CYP2D6: variants seen among roughly 807,000 people sequenced by gnomAD.
The protein encoded by CYP2D6 is cytochrome P450 family 2 subfamily D member 6 (gene/pseudogene).
Under a neutral mutation model 43.5 loss-of-function variants are expected in CYP2D6, and 51 were observed. The observed-to-expected ratio is 1.17, with a 90% CI of 0.94 to 1.48. CYP2D6 has a LOEUF of 1.48. Among genes scored for constraint, CYP2D6 ranks in the 40% most tolerant of loss-of-function variants. CYP2D6 has a pLI of 0.00. For synonymous variants in CYP2D6, 346 were observed against 297.1 expected, an observed-to-expected ratio of 1.16 and a Z score of -1.69; for missense variants, 698 against 688.0, an observed-to-expected ratio of 1.01 and a Z score of -0.16.
chr22:42,127,312 G>A (rs1334836358), intron 7 of CYP2D6, 135 bp downstream of exon 7: 2 of 1,213,208 alleles, frequency 1.6e-6, no homozygotes, highest in East Asian at 4.9e-5. Flanking sequence ...CCCCACCCAA[G>A]TGGGGACAGT....
At chr22:42,129,652 C>G in intron 2 of CYP2D6, 86 bp downstream of exon 2, 1 of 1,557,342 alleles carries the variant, frequency 6.4e-7, no homozygotes, top group South Asian at 1.1e-5. Flanking sequence ...TGTCCACGAC[C>G]CCGCGCCCTC....
In CYP2D6 at chr22:42,128,229, TC is replaced by T. The variant is rs1931287566; in HGVS notation, c.787del (p.Asp263ThrfsTer9). ...CAGGTCTCGGGGGGGCTGGGCTGGG[TC>T]CCAGGTCATCCTGTGCTCAGTTAGC... ...ELLTEHRMTW[D>X]PAQPPRDLTE... On this transcript the variant is annotated frameshift_variant, in exon 5 of 9. Transcript: ENST00000645361. LOFTEE classifies it high-confidence loss of function. The T allele has an allele frequency of 6.2e-7, 1 of 1,609,870 alleles. No individual in the cohort carries two copies. Among genetic ancestry groups the T allele is most frequent in the East Asian group, 2.2e-5 (1 of 44,728 alleles).
chr22:42,129,443 A>G, intron 2 of CYP2D6: 1 of 746,378 alleles, frequency 1.3e-6, no homozygotes, highest in Middle Eastern at 2.2e-4. Flanking sequence ...CTGAGCTTAC[A>G]GCACAGGTGC....
Position 42,127,964 on chromosome 22 carries a change from C to CT in CYP2D6, c.862dup (p.Ser288LysfsTer5). 6.2e-7 allele frequency: 1 copy of CT among 1,611,458 alleles called. No individual in the cohort carries two copies. The highest frequency in any genetic ancestry group is 8.5e-7 in the Non-Finnish European group (1 of 1,178,356). On this transcript the variant is annotated frameshift_variant, in exon 6 of 9. Transcript: ENST00000645361. LOFTEE classifies it high-confidence loss of function. Reference sequence around the variant, plus strand: ...GCGCAGGTTCTCATCATTGAAGCTGCTCTCAGGGTTCCCCTTGGCCTGAGC... The same window carrying CT: ...GCGCAGGTTCTCATCATTGAAGCTGCTTCTCAGGGTTCCCCTTGGCCTGAGC...
chr22:42,129,747 G>T lies in CYP2D6; in HGVS notation c.343C>A (p.Arg115Ser). Residue 115 changes from arginine to serine, a missense_variant, in exon 2 of 9, where the codon CGT (arginine) becomes AGT (serine). By Grantham distance (110) the Arg-to-Ser change is moderately radical (BLOSUM62 -1). This residue lies in a region of CYP2D6 where 588 missense variants were observed against 521.1 expected (regional missense o/e 1.13). Transcript: ENST00000645361. The stretch of plus-strand genomic sequence containing the variant: ...CCCCACCGCTGCTTGCCTTGGGAAC[G>T]CGGCCCGAAACCCAGGATCTGGGTG... ...PITQILGFGP[R>S]SQGVFLARYG... is the part of the protein sequence containing the mutation. The T allele has an allele frequency of 6.2e-7, 1 of 1,609,846 alleles. No individual in the cohort carries two copies.
rs546029764 is a variant in CYP2D6, at chr22:42,130,459, T to C, written c.180+153A>G. ...TTGGAAAATCCAGTCCTTCATGCCATGTATAAATGCCCTTCTCCAGGACGT... is the reference window on the plus strand; with the variant it reads ...TTGGAAAATCCAGTCCTTCATGCCACGTATAAATGCCCTTCTCCAGGACGT... On this transcript the variant is annotated intron_variant, in intron 1 of 8. Transcript: ENST00000645361. The C allele has an allele frequency of 3.4e-4, 301 of 887,244 alleles. 13 individuals carry two copies. In the African/African-American group the frequency reaches 4.8e-3, roughly 14 times the overall value. The allele number at this position is 887,244 out of a possible 1,614,324, so 55.0% of individuals were successfully genotyped here. A position where few individuals can be genotyped will look rare whatever the true frequency, so the allele number is the denominator to read the frequency against.
chr22:42,129,336 T>G (rs756921937), intron 2 of CYP2D6, 151 bp from the exon 3 acceptor site: 3 of 1,111,260 alleles, frequency 2.7e-6, no homozygotes, highest in African/African-American at 3.1e-5. Context: ...TCCACCTTGC[T>G]CCCTTGGCTG....
chr22:42,128,453 C>T, intron 4 of CYP2D6, 103 bp from the exon 5 acceptor site: 2 of 1,336,360 alleles, frequency 1.5e-6, no homozygotes, highest in South Asian at 1.2e-5. Flanking sequence ...GCCTGCCTGT[C>T]CTTACCACTG....
chr22:42,127,391 T>G, intron 7 of CYP2D6, 56 bp downstream of exon 7: 2 of 1,397,706 alleles, frequency 1.4e-6, no homozygotes, highest in South Asian at 2.4e-5. Flanking sequence ...GTAGCCATGC[T>G]GGGGCTATCA....
intron 4 of CYP2D6, 111 bp from the exon 5 acceptor site, chr22:42,128,461 C>G (rs546756298): frequency 2.4e-6 from 3 of 1,267,932 alleles, no homozygotes; most frequent in Admixed American, 1.9e-5. Flanking sequence ...GTCCTTACCA[C>G]TGACCTCACC....
rs781060458 is a variant in CYP2D6 at position 42,129,749 on chromosome 22, G to A, written c.341C>T (p.Pro114Leu). The change falls in exon 2 of 9, where the codon CCG becomes CTG. Residue 114 changes from proline (P) to leucine (L), a missense_variant. By Grantham distance (98) the Pro-to-Leu change is moderately conservative (BLOSUM62 -3). Coordinates refer to ENST00000645361, the MANE Select transcript of CYP2D6 (RefSeq NM_000106.6). ...CCACCGCTGCTTGCCTTGGGAACGC[G>A]GCCCGAAACCCAGGATCTGGGTGAT... ...VPITQILGFG[P>L]RSQGVFLARY... 4.3e-6 allele frequency: 7 copies of A among 1,609,718 alleles called. No individual in the cohort carries two copies. Among genetic ancestry groups the A allele is most frequent in the Admixed American group, 1.7e-5 (1 of 59,886 alleles).
Position 42,129,169 on chromosome 22 carries a change from G to A in CYP2D6, c.369C>T (p.Arg123=). 1.9e-6 allele frequency: 3 copies of A among 1,606,030 alleles called. No homozygotes were observed. Among genetic ancestry groups the A allele is most frequent in the African/African-American group, 1.3e-5 (1 of 74,584 alleles). ...TCTGCTCGCGCCACGCGGGCCCATA[G>A]CGCGCCAGGAACACCCCTGGGGGTG... ...GPRSQGVFLA[R]YGPAWREQRR... Residue 123 remains arginine, a synonymous_variant, in exon 3 of 9, where the codon CGC becomes CGT. Coordinates refer to ENST00000645361, the MANE Select transcript of CYP2D6 (RefSeq NM_000106.6).
In CYP2D6 at chr22:42,130,579, A is replaced by T. The variant is rs757627431; in HGVS notation, c.180+33T>A. 2.3e-5 allele frequency: 34 copies of T among 1,449,400 alleles called. 1 individual carries two copies. The East Asian group carries it at 7.9e-4, about 33-fold the overall frequency. 89.8% of individuals were successfully genotyped at this position (1,449,400 alleles called of 1,614,324 possible). A position where few individuals can be genotyped will look rare whatever the true frequency, so the allele number is the denominator to read the frequency against. On this transcript the variant is annotated intron_variant, in intron 1 of 8. Coordinates refer to ENST00000645361, the MANE Select transcript of CYP2D6 (RefSeq NM_000106.6). ...TTGCTTCTGGTAGGGGAGCCTCAGCACCTCTGCCGCCCTCCAGGACCTCCT... is the reference window on the plus strand; with the variant it reads ...TTGCTTCTGGTAGGGGAGCCTCAGCTCCTCTGCCGCCCTCCAGGACCTCCT...
chr22:42,128,340 G>C lies in CYP2D6; in HGVS notation c.677C>G (p.Ala226Gly). The change falls in exon 5 of 9, where the codon GCT (alanine) becomes GGT (glycine). Residue 226 changes from alanine (A) to glycine (G), a missense_variant. Physicochemically the swap from Ala to Gly is moderately conservative, Grantham distance 60. Transcript: ENST00000645361. ...ESGFLREVLN[A>G]VPVLLHIPAL... Reference sequence around the variant, plus strand: ...TGGGATATGCAGGAGGACGGGGACAGCATTCAGCACCTACACCAGACAGAA... The same window carrying C: ...TGGGATATGCAGGAGGACGGGGACACCATTCAGCACCTACACCAGACAGAA... 1 of 1,610,334 alleles carries C rather than the reference G, an allele frequency of 6.2e-7. No individual in the cohort carries two copies. The highest frequency in any genetic ancestry group is 1.1e-5 in the South Asian group (1 of 90,876).
At position 42,128,914 on chromosome 22, in the gene CYP2D6, T is replaced by G. The variant is rs1931491827; in HGVS notation, c.536A>C (p.Asp179Ala). The change falls in exon 4 of 9, where the codon GAC (aspartate) becomes GCC (alanine). Residue 179 changes from aspartate to alanine, a missense_variant. Asp to Ala is a moderately radical substitution (Grantham distance 126). Coordinates refer to ENST00000645361, the MANE Select transcript of CYP2D6 (RefSeq NM_000106.6). ...GGCGATCACGTTGCTCACGGCTTTG[T>G]CCAAGAGACCGTTGGGGCGAAAGGG... is the stretch of plus-strand genomic sequence containing the variant. ...GRPFRPNGLL[D>A]KAVSNVIASL... is the part of the protein sequence containing the mutation. The G allele has an allele frequency of 6.3e-7, 1 of 1,594,376 alleles. No individual in the cohort carries two copies. The highest frequency in any genetic ancestry group is 8.5e-7 in the Non-Finnish European group (1 of 1,170,640).
chr22:42,128,021 G>A lies in CYP2D6; in HGVS notation c.844-38C>T, dbSNP rs756646091. 3.7e-6 allele frequency: 6 copies of A among 1,610,842 alleles called. No individual in the cohort carries two copies. The African/African-American group carries it at 8.1e-5, about 22-fold the overall frequency. ...GAGAGCATACTCGGGACAGAACGGG[G>A]TAGCCCCCAAATGACCTCCAATTCT... On this transcript the variant is annotated intron_variant, in intron 5 of 8. Coordinates refer to ENST00000645361, the MANE Select transcript of CYP2D6 (RefSeq NM_000106.6).
chr22:42,127,455 T>A lies in CYP2D6; in HGVS notation c.1165A>T (p.Ile389Phe), dbSNP rs1202725674. Reference protein sequence around the residue: ...SRDIEVQGFRIPKGTTLITNL... With the variant: ...SRDIEVQGFRFPKGTTLITNL... ...GAGGGCGCCAGGCCTACCTTAGGGA[T>A]GCGGAAGCCCTGTACTTCGATGTCA... Residue 389 changes from isoleucine to phenylalanine, a missense_variant, in exon 7 of 9, where the codon ATC (isoleucine) becomes TTC (phenylalanine). By Grantham distance (21) the Ile-to-Phe change is conservative. Around this residue, in one of 5 missense-constraint regions of CYP2D6, gnomAD observed 16 missense variants for 30.5 expected, o/e 0.52. Transcript: ENST00000645361. 1 of 1,608,226 alleles carries A rather than the reference T, an allele frequency of 6.2e-7. No homozygotes were observed. Among genetic ancestry groups the A allele is most frequent in the Non-Finnish European group, 8.5e-7 (1 of 1,175,542 alleles).
At position 42,127,800 on chromosome 22, in the gene CYP2D6, C is replaced by T; in HGVS notation, c.985+42G>A. On this transcript the variant is annotated intron_variant, in intron 6 of 8. Transcript: ENST00000645361. ...AAGTTCATGGGCCCCCGCCTGTACC[C>T]TTCCTCCCTCGGCCCCTGCACTGTT... is the stretch of plus-strand genomic sequence containing the variant. The T allele has an allele frequency of 1.2e-6, 2 of 1,606,402 alleles. 1 individual carries two copies. The highest frequency in any genetic ancestry group is 1.7e-6 in the Non-Finnish European group (2 of 1,173,890).
At chr22:42,129,303 TCA>T in intron 2 of CYP2D6, 118 bp from the exon 3 acceptor site, 1 of 1,310,762 alleles carries the variant, frequency 7.6e-7, no homozygotes, top group South Asian at 1.3e-5. Context: ...GTCCAGCTGG[TCA>T]CAGGGCCCAC....
Sources: allele counts gnomAD v4.1 joint callset, GRCh38; gene constraint gnomAD v4.1.1; regional missense constraint gnomAD v4.1.1; transcripts MANE v1.5; gene names NCBI Gene and HGNC (gene_info 2026-07-23, HGNC 2026-07-21).